GRID1: variants seen among roughly 807,000 people sequenced by gnomAD.
GRID1 encodes the protein glutamate receptor ionotropic, delta-1.
A neutral mutation model predicts 98.0 loss-of-function variants in GRID1; 28 were observed. The observed-to-expected ratio is 0.29, with a 90% CI of 0.21 to 0.39. The LOEUF (loss-of-function observed/expected upper bound fraction) is 0.39, where lower values mean the gene tolerates loss of function less well. GRID1 is among the 10% of genes least tolerant of loss of function. The pLI is 1.00. For missense variants in GRID1, 1,111 were observed against 1,340.5 expected (o/e 0.83, Z 2.67); for synonymous variants, 553 against 538.5 (o/e 1.03, Z -0.37).
chr10:86,164,909 C>G (rs530898377), intron 3 of GRID1, among the ~76,000 whole-genome samples: 1 of 152,254 alleles, frequency 6.6e-6, no homozygotes, highest in Admixed American at 6.5e-5. Context: ...TAAAGCATGT[C>G]CTTGGGTGAT....
At chr10:86,053,499 T>C (rs140536284) in intron 4 of GRID1, among the ~76,000 whole-genome samples, 3,028 of 152,056 alleles carry the variant, frequency 0.02, 114 homozygotes, top group African/African-American at 0.069. Flanking sequence ...GCTGGGACTA[T>C]AGGCATGCGC....
chr10:85,854,733 T>C (rs566281221), intron 7 of GRID1, 118 bp from the exon 8 acceptor site: 7 of 947,768 alleles, frequency 7.4e-6, no homozygotes, highest in South Asian at 6.0e-5. Context: ...TTTGAGACCA[T>C]GGACAGGCTG....
At chr10:85,821,928 A>C (rs11597854) in intron 8 of GRID1, among the ~76,000 whole-genome samples, 2,731 of 152,204 alleles carry the variant, frequency 0.018, 37 homozygotes, top group Non-Finnish European at 0.029. Flanking sequence ...CAAAAACAAG[A>C]AATGGGGAAA....
At chr10:86,178,243 A>G (rs58605437) in intron 3 of GRID1, among the ~76,000 whole-genome samples, 8,955 of 151,964 alleles carry the variant, frequency 0.059, 697 homozygotes, top group African/African-American at 0.18. Flanking sequence ...CTGATTTTCC[A>G]GATGACCAAA....
At chr10:86,011,914 T>C (rs1268470348) in intron 4 of GRID1, among the ~76,000 whole-genome samples, 1 of 152,134 alleles carries the variant, frequency 6.6e-6, no homozygotes, top group East Asian at 1.9e-4. Context: ...TCACAGCACT[T>C]TGGGAGGCCG....
At chr10:86,356,072 G>A (rs1170373371) in intron 2 of GRID1, among the ~76,000 whole-genome samples, 3 of 152,198 alleles carry the variant, frequency 2.0e-5, no homozygotes, top group African/African-American at 7.2e-5. Flanking sequence ...TGAGAGCTGG[G>A]CTTGTCCAGG....
In GRID1 at chr10:86,112,824, C is replaced by A. The variant is rs1229046804; in HGVS notation, c.726+25995G>T. ...TGATGAGATGGTGTCATGCAGCATTCTTCTCCCTGTGAGCCTGGCCATGCT... is the reference window on the plus strand; with the variant it reads ...TGATGAGATGGTGTCATGCAGCATTATTCTCCCTGTGAGCCTGGCCATGCT... On this transcript the variant is annotated intron_variant, in intron 4 of 15. Coordinates refer to ENST00000327946, the MANE Select transcript of GRID1 (RefSeq NM_017551.3). Among the ~76,000 whole-genome samples the A allele has an allele frequency of 2.0e-5, 3 of 152,190 alleles. No individual in the cohort carries two copies. In the East Asian group the frequency reaches 5.8e-4, roughly 29 times the overall value.
chr10:85,905,502 C>T (rs2131818308), intron 5 of GRID1, among the ~76,000 whole-genome samples: 1 of 152,072 alleles, frequency 6.6e-6, no homozygotes, highest in South Asian at 2.1e-4. Flanking sequence ...TTTCTTATTA[C>T]TTAAATCTCT....
intron 2 of GRID1, among the ~76,000 whole-genome samples, chr10:86,322,412 G>A (rs1170984288): frequency 6.6e-6 from 1 of 152,124 alleles, no homozygotes; most frequent in African/African-American, 2.4e-5. Context: ...TGTTGTTGTT[G>A]TCGTTGTTGT....
intron 4 of GRID1, among the ~76,000 whole-genome samples, chr10:85,971,890 A>G (rs1057260931): frequency 6.6e-6 from 1 of 152,182 alleles, no homozygotes; most frequent in African/African-American, 2.4e-5. Flanking sequence ...GACAAGAACA[A>G]GAATAAAACA....
chr10:86,257,688 T>A (rs1419388813), intron 2 of GRID1, among the ~76,000 whole-genome samples: 1 of 152,028 alleles, frequency 6.6e-6, no homozygotes, highest in Admixed American at 6.6e-5. Context: ...AGTGATACTA[T>A]GGGGAAGAAT....
intron 3 of GRID1, among the ~76,000 whole-genome samples, chr10:86,202,454 A>G (rs142792929): frequency 6.6e-6 from 1 of 152,364 alleles, no homozygotes; most frequent in East Asian, 1.9e-4. Context: ...ATGCATACAC[A>G]CATGAATATC....
In GRID1 at chr10:86,138,943, A is replaced by C. The variant is rs775481190; in HGVS notation, c.602T>G (p.Ile201Ser). Residue 201 changes from isoleucine (I) to serine (S), a missense_variant, in exon 4 of 16, where the codon ATT becomes AGT. Physicochemically the swap from Ile to Ser is moderately radical, Grantham distance 142. Transcript: ENST00000327946. ...GAAGAGGCTGGTGAATACGTGGCTAATGTTCTTGTCCACCTTTTGTAAAGA... is the reference window on the plus strand; with the variant it reads ...GAAGAGGCTGGTGAATACGTGGCTACTGTTCTTGTCCACCTTTTGTAAAGA... Reference protein sequence around the residue: ...DVSLQKVDKNISHVFTSLFTT... With the variant: ...DVSLQKVDKNSSHVFTSLFTT... The C allele has an allele frequency of 5.6e-6, 9 of 1,613,926 alleles. No homozygotes were observed. In the Admixed American group the frequency reaches 1.5e-4, roughly 27 times the overall value.
At chr10:86,292,740 TGA>T (rs764079034) in intron 2 of GRID1, among the ~76,000 whole-genome samples, 1 of 151,684 alleles carries the variant, frequency 6.6e-6, no homozygotes, top group Non-Finnish European at 1.5e-5. Flanking sequence ...TGCGCAGGTG[TGA>T]GTGTCGGGAG....
intron 13 of GRID1, among the ~76,000 whole-genome samples, chr10:85,622,130 C>T (rs1040348411): frequency 1.3e-5 from 2 of 152,154 alleles, no homozygotes; most frequent in African/African-American, 4.8e-5. Flanking sequence ...CACTTGGCTT[C>T]CTTCAAGCCA....
intron 2 of GRID1, among the ~76,000 whole-genome samples, chr10:86,296,452 G>T (rs1847589343): frequency 1.3e-5 from 2 of 152,156 alleles, no homozygotes. Flanking sequence ...TTAAAAGTAT[G>T]ATTTTAAAAA....
intron 4 of GRID1, among the ~76,000 whole-genome samples, chr10:85,965,686 G>C (rs1162326784): frequency 6.6e-6 from 1 of 151,980 alleles, no homozygotes; most frequent in African/African-American, 2.4e-5. Context: ...ACCTAATGTA[G>C]ATGATGGGTT....
chr10:85,893,126 A>G (rs965088266), intron 5 of GRID1, among the ~76,000 whole-genome samples: 1 of 152,146 alleles, frequency 6.6e-6, no homozygotes, highest in African/African-American at 2.4e-5. Flanking sequence ...AGAATAAAAA[A>G]GACAAAACGT....
chr10:86,208,459 CT>C (rs1279040706), intron 2 of GRID1, among the ~76,000 whole-genome samples: 8 of 152,076 alleles, frequency 5.3e-5, no homozygotes, highest in Non-Finnish European at 1.2e-4. Context: ...AAAGGGTGGT[CT>C]TGCAAGCTCC....
Sources: allele counts gnomAD v4.1 joint callset (sites outside exome capture counted in the v4.1 genomes callset), GRCh38; gene constraint gnomAD v4.1.1; transcripts MANE v1.5; gene names NCBI Gene and HGNC (gene_info 2026-07-23, HGNC 2026-07-21).